Variants in CTBP2 observed in about 807,000 individuals in gnomAD.
CTBP2 encodes C-terminal-binding protein 2.
CTBP2 carries 30 observed loss-of-function variants against 80.3 expected under a neutral mutation model. That is an observed-to-expected ratio of 0.37 (90% CI 0.28 to 0.51). The LOEUF is 0.51. Among genes scored for constraint, CTBP2 ranks in the 20% least tolerant of loss-of-function variants. The pLI is 0.93. For synonymous variants in CTBP2, 594 were observed against 587.4 expected (o/e 1.01, Z -0.16); for missense variants, 1,212 against 1,375.3 (o/e 0.88, Z 1.88).
chr10:125,057,029 A>G (rs1423419093), intron 2 of CTBP2, among the ~76,000 whole-genome samples: 1 of 152,184 alleles, frequency 6.6e-6, no homozygotes, highest in Non-Finnish European at 1.5e-5. Flanking sequence ...CAGCCGGGGA[A>G]GCATGCCTCT....
chr10:125,132,876 A>G (rs1227114945), intron 1 of CTBP2, among the ~76,000 whole-genome samples: 1 of 152,258 alleles, frequency 6.6e-6, no homozygotes, highest in African/African-American at 2.4e-5. Context: ...TTTAGTTTCA[A>G]TAAACACAAA....
At chr10:125,078,984 CAAAAAA>C (rs59556429) in intron 2 of CTBP2, among the ~76,000 whole-genome samples, 5 of 129,974 alleles carry the variant, frequency 3.8e-5, no homozygotes, top group African/African-American at 1.5e-4. Context: ...ACTAAAAATA[CAAAAAA>C]AAAAAAACGA....
Position 125,098,764 on chromosome 10 carries a change from G to GAGAGAGAGAGAC in CTBP2, c.-102+12225_-102+12226insGTCTCTCTCTCT, listed in dbSNP as rs1564914938. Among the ~76,000 whole-genome samples the GAGAGAGAGAGAC allele has an allele frequency of 7.2e-3, 759 of 105,232 alleles. 53 individuals are homozygous for GAGAGAGAGAGAC. The highest frequency in any genetic ancestry group is 0.037 in the East Asian group (115 of 3,134). The allele number at this position is 105,232 out of a possible 152,430, so 69.0% of individuals were successfully genotyped here. A position where few individuals can be genotyped will look rare whatever the true frequency, so the allele number is the denominator to read the frequency against. On this transcript the variant is annotated intron_variant, in intron 2 of 10. Transcript: ENST00000337195. Reference sequence around the variant, plus strand: ...AGAGAGAGAGACAGAGAGAGAGAGAGAGAGAGAGAGAGAGACAGAGAGAGA... The same window carrying GAGAGAGAGAGAC: ...AGAGAGAGAGACAGAGAGAGAGAGAGAGAGAGAGAGACAGAGAGAGAGAGAGACAGAGAGAGA...
chr10:125,054,122 A>G (rs1963382190), intron 2 of CTBP2, among the ~76,000 whole-genome samples: 2 of 152,066 alleles, frequency 1.3e-5, no homozygotes, highest in Non-Finnish European at 2.9e-5. Context: ...CAAGCTGAAC[A>G]TGACCCTCTC....
At chr10:125,059,303 G>A (rs555965658) in intron 2 of CTBP2, among the ~76,000 whole-genome samples, 3 of 152,194 alleles carry the variant, frequency 2.0e-5, no homozygotes, top group East Asian at 1.9e-4. Context: ...AATTGAGGCC[G>A]GGCATGGTGT....
Position 125,027,527 on chromosome 10 carries a change from G to A in CTBP2, c.233C>T (p.Ser78Leu). 6.2e-7 allele frequency: 1 copy of A among 1,614,148 alleles called. No homozygotes were observed. The highest frequency in any genetic ancestry group is 8.5e-7 in the Non-Finnish European group (1 of 1,180,018). The change falls in exon 1 of 9, where the codon TCA (serine) becomes TTA (leucine). Residue 78 changes from serine to leucine, a missense_variant. Ser to Leu is a moderately radical substitution (Grantham distance 145, BLOSUM62 -2). This residue lies in a region of CTBP2 where 848 missense variants were observed against 782.3 expected (regional missense o/e 1.08). Transcript: ENST00000309035. ...AGTAGACCCCTTTCTTGCAGCCACT[G>A]AGTTATAAACGGCCTCCCGGTACAG...
At chr10:125,141,618 G>A (rs985470187) in intron 1 of CTBP2, among the ~76,000 whole-genome samples, 1 of 152,126 alleles carries the variant, frequency 6.6e-6, no homozygotes, top group Non-Finnish European at 1.5e-5. Flanking sequence ...CACACAGTAA[G>A]CACATGGCAA....
intron 1 of CTBP2, among the ~76,000 whole-genome samples, chr10:125,004,546 A>G (rs1954975676): frequency 6.6e-6 from 1 of 152,160 alleles, no homozygotes; most frequent in Non-Finnish European, 1.5e-5. Flanking sequence ...CACCCTGGAC[A>G]CAAGAGAACA....
intron 2 of CTBP2, among the ~76,000 whole-genome samples, chr10:125,053,240 C>G (rs1012597263): frequency 6.6e-6 from 1 of 152,072 alleles, no homozygotes; most frequent in African/African-American, 2.4e-5. Context: ...TCTGGAGGGC[C>G]GGGGCTCCCT....
chr10:125,005,463 C>G (rs941089950), intron 1 of CTBP2: 33 of 1,397,252 alleles, frequency 2.4e-5, no homozygotes, highest in Non-Finnish European at 3.1e-5. Context: ...GATCCGCACT[C>G]CAACATCCTT....
chr10:125,100,214 G>A (rs528990115), intron 2 of CTBP2, among the ~76,000 whole-genome samples: 8 of 152,316 alleles, frequency 5.3e-5, no homozygotes, highest in African/African-American at 1.7e-4. Flanking sequence ...TGACAAGTGC[G>A]TATGGCAGAA....
At chr10:125,075,976 T>C (rs936420027) in intron 2 of CTBP2, among the ~76,000 whole-genome samples, 3 of 152,164 alleles carry the variant, frequency 2.0e-5, no homozygotes, top group African/African-American at 7.2e-5. Context: ...CCAAATGACA[T>C]GATCATGGCA....
chr10:125,152,006 G>A (rs573648325), intron 1 of CTBP2, among the ~76,000 whole-genome samples: 6 of 152,256 alleles, frequency 3.9e-5, no homozygotes, highest in Admixed American at 6.5e-5. Flanking sequence ...AAGGCGAGGC[G>A]CGAGGTGGGG....
chr10:125,146,430 G>C (rs149324260), intron 1 of CTBP2, among the ~76,000 whole-genome samples: 1 of 149,122 alleles, frequency 6.7e-6, no homozygotes, highest in Non-Finnish European at 1.5e-5. Context: ...ACAGGTGCGC[G>C]CCACCACGCA....
In CTBP2 at chr10:125,026,763, C is replaced by T. The variant is rs778173818; in HGVS notation, c.997G>A (p.Ala333Thr). The stretch of plus-strand genomic sequence containing the variant: ...ACACGGGCCTGGCCCAGGTTGGGTG[C>T]GACAGACTTGATATCCGCGTCCTCC... The change falls in exon 1 of 9, where the codon GCA (alanine) becomes ACA (threonine). Residue 333 changes from alanine (A) to threonine (T), a missense_variant. Transcript: ENST00000309035. 58 of 1,612,888 alleles carry T rather than the reference C, an allele frequency of 3.6e-5. No individual in the cohort carries two copies. Among genetic ancestry groups the T allele is most frequent in the Middle Eastern group, 1.6e-4 (1 of 6,084 alleles).
intron 3 of CTBP2, among the ~76,000 whole-genome samples, chr10:125,001,959 C>T (rs995712563): frequency 1.4e-5 from 2 of 145,706 alleles, no homozygotes; most frequent in Non-Finnish European, 3.0e-5. Flanking sequence ...GTATGTAACA[C>T]TCCGCTCACA....
At chr10:125,044,082 CA>C (rs1470633236) in intron 2 of CTBP2, among the ~76,000 whole-genome samples, 24 of 152,272 alleles carry the variant, frequency 1.6e-4, no homozygotes, top group African/African-American at 5.3e-4. Flanking sequence ...CGATCCAATG[CA>C]GGAAGAAAAG....
intron 2 of CTBP2, among the ~76,000 whole-genome samples, chr10:125,060,854 TG>T (rs1176035546): frequency 6.6e-6 from 1 of 152,218 alleles, no homozygotes; most frequent in Non-Finnish European, 1.5e-5. Flanking sequence ...GGACCGCAGC[TG>T]GAGACCCCTC....
intron 1 of CTBP2, among the ~76,000 whole-genome samples, chr10:125,139,527 T>C (rs1256649041): frequency 6.6e-6 from 1 of 152,092 alleles, no homozygotes; most frequent in Non-Finnish European, 1.5e-5. Flanking sequence ...AAAGACTGTC[T>C]GCCTTGTTTT....
Sources: gnomAD v4.1 joint callset for allele counts (sites outside exome capture counted in the v4.1 genomes callset) on GRCh38, gnomAD v4.1.1 for gene constraint, gnomAD v4.1.1 regional missense constraint, MANE v1.5 for transcripts, NCBI Gene and HGNC (gene_info 2026-07-23, HGNC 2026-07-21) for gene names.